The following MGAT4C variants were observed in gnomAD, a reference collection of about 807,000 sequenced individuals.
MGAT4C encodes the protein alpha-1,3-mannosyl-glycoprotein 4-beta-N-acetylglucosaminyltransferase C.
In MGAT4C, 19 loss-of-function variants were observed where a neutral mutation model predicts 40.1. The ratio of observed to expected loss-of-function variants is 0.47; its 90% CI spans 0.33 to 0.70. MGAT4C has a LOEUF of 0.70. MGAT4C is among the 30% of genes least tolerant of loss of function. MGAT4C has a pLI of 0.02. For synonymous variants in MGAT4C, 181 were observed against 187.1 expected, an observed-to-expected ratio of 0.97 and a Z score of 0.27; for missense variants, 491 against 563.2, an observed-to-expected ratio of 0.87 and a Z score of 1.30.
intron 1 of MGAT4C, among the ~76,000 whole-genome samples, chr12:86,072,103 C>A (rs995981916): frequency 6.6e-6 from 1 of 151,420 alleles, no homozygotes; most frequent in Non-Finnish European, 1.5e-5. Context: ...TTAACACATT[C>A]TGTCCTCACA....
chr12:86,534,121 T>C (rs1006933509), intron 2 of MGAT4C, among the ~76,000 whole-genome samples: 1 of 152,086 alleles, frequency 6.6e-6, no homozygotes. Context: ...TTCAGGTCCA[T>C]TCCTGATCCA....
chr12:86,743,303 T>G (rs938624809), intron 1 of MGAT4C, among the ~76,000 whole-genome samples: 3 of 151,570 alleles, frequency 2.0e-5, no homozygotes, highest in Admixed American at 1.3e-4. Context: ...TAGAGATAGA[T>G]TATATACAAA....
intron 2 of MGAT4C, among the ~76,000 whole-genome samples, chr12:86,527,583 T>C (rs1350628908): frequency 6.6e-6 from 1 of 152,146 alleles, no homozygotes; most frequent in African/African-American, 2.4e-5. Context: ...TTGCTTTGGG[T>C]TACTATTGTC....
chr12:86,081,835 G>C (rs549254941), intron 1 of MGAT4C, among the ~76,000 whole-genome samples: 1 of 152,246 alleles, frequency 6.6e-6, no homozygotes, highest in South Asian at 2.1e-4. Context: ...TAACATTGCC[G>C]AATGTGACAG....
intron 2 of MGAT4C, among the ~76,000 whole-genome samples, chr12:86,629,937 A>G (rs1464286576): frequency 6.6e-6 from 1 of 152,178 alleles, no homozygotes; most frequent in Non-Finnish European, 1.5e-5. Context: ...GGCACAAAAA[A>G]CCATTCAAAA....
intron 4 of MGAT4C, among the ~76,000 whole-genome samples, chr12:86,285,198 T>C (rs1356467077): frequency 6.6e-6 from 1 of 151,978 alleles, no homozygotes; most frequent in African/African-American, 2.4e-5. Flanking sequence ...CCTATAGATA[T>C]TAGACACTAT....
At chr12:86,318,751 CCAA>C (rs1199343206) in intron 4 of MGAT4C, among the ~76,000 whole-genome samples, 1 of 151,736 alleles carries the variant, frequency 6.6e-6, no homozygotes, top group African/African-American at 2.4e-5. Context: ...CAGTATTCAC[CCAA>C]CCATCCCAAC....
chr12:86,186,254 T>G lies in MGAT4C; in HGVS notation c.-57+69985A>C, dbSNP rs576946553. On this transcript the variant is annotated intron_variant, in intron 1 of 4. Coordinates refer to ENST00000611864, the MANE Select transcript of MGAT4C (RefSeq NM_001351288.2). ...TCTAGATCCTTTTTTAAAGCACAAATGCAGGTATTATAAACAATGAACCCA... is the reference window on the plus strand; with the variant it reads ...TCTAGATCCTTTTTTAAAGCACAAAGGCAGGTATTATAAACAATGAACCCA... 2.6e-5 allele frequency among the ~76,000 whole-genome samples: 4 copies of G among 152,204 alleles called. No homozygotes were observed. The South Asian group carries it at 8.3e-4, about 32-fold the overall frequency.
At chr12:86,730,768 AT>A (rs1190469763) in intron 1 of MGAT4C, among the ~76,000 whole-genome samples, 7 of 152,110 alleles carry the variant, frequency 4.6e-5, no homozygotes, top group Non-Finnish European at 8.8e-5. Flanking sequence ...ATCTAAGTAA[AT>A]ATAAGACAAT....
chr12:86,207,884 A>G (rs752988961), intron 1 of MGAT4C, among the ~76,000 whole-genome samples: 1 of 152,250 alleles, frequency 6.6e-6, no homozygotes, highest in Non-Finnish European at 1.5e-5. Flanking sequence ...ATATAAAAAT[A>G]GTAAGAATCA....
At chr12:86,382,119 A>G (rs1311178039) in intron 3 of MGAT4C, among the ~76,000 whole-genome samples, 1 of 152,238 alleles carries the variant, frequency 6.6e-6, no homozygotes. Flanking sequence ...ATACAAGAAA[A>G]TGTGGGAACA....
At chr12:86,084,621 T>C (rs1306362801) in intron 1 of MGAT4C, among the ~76,000 whole-genome samples, 1 of 151,902 alleles carries the variant, frequency 6.6e-6, no homozygotes, top group Non-Finnish European at 1.5e-5. Flanking sequence ...TTATGGGTGT[T>C]AGCGCAACTG....
chr12:86,498,041 A>G (rs926869979), intron 2 of MGAT4C, among the ~76,000 whole-genome samples: 4 of 148,386 alleles, frequency 2.7e-5, no homozygotes, highest in Non-Finnish European at 6.0e-5. Flanking sequence ...CTTTATTCTA[A>G]CCTGTGCTTA....
chr12:86,350,963 C>T (rs1360701207), intron 3 of MGAT4C, among the ~76,000 whole-genome samples: 1 of 150,664 alleles, frequency 6.6e-6, no homozygotes, highest in Non-Finnish European at 1.5e-5. Context: ...TTCTTTTTTT[C>T]CCACCATATA....
intron 2 of MGAT4C, among the ~76,000 whole-genome samples, chr12:86,715,608 A>G (rs530577813): frequency 6.6e-6 from 1 of 152,228 alleles, no homozygotes; most frequent in African/African-American, 2.4e-5. Context: ...CCCAAGCTTC[A>G]ATCGCAAAGC....
At chr12:86,500,011 T>G (rs1380736537) in intron 2 of MGAT4C, among the ~76,000 whole-genome samples, 2 of 151,850 alleles carry the variant, frequency 1.3e-5, no homozygotes, top group Non-Finnish European at 2.9e-5. Context: ...AGCATATGCA[T>G]TCTTTCAACA....
chr12:86,541,713 C>T (rs1959168575), intron 2 of MGAT4C, among the ~76,000 whole-genome samples: 1 of 152,126 alleles, frequency 6.6e-6, no homozygotes, highest in South Asian at 2.1e-4. Context: ...ATGATAGGAA[C>T]TTAATCACTT....
chr12:86,073,536 C>T (rs1449488941), intron 1 of MGAT4C, among the ~76,000 whole-genome samples: 3 of 152,060 alleles, frequency 2.0e-5, no homozygotes, highest in African/African-American at 7.2e-5. Flanking sequence ...CGGCTTTGAA[C>T]AAAATGCTTA....
Position 85,977,280 on chromosome 12 carries a change from T to C in MGAT4C, c.*2009A>G, listed in dbSNP as rs1426332606. The C allele has an allele frequency of 1.3e-5, 2 of 151,464 alleles. No homozygotes were observed. The highest frequency in any genetic ancestry group is 1.9e-4 in the East Asian group (1 of 5,190). The allele number at this position is 151,464 out of a possible 1,614,324, so 9.4% of individuals were successfully genotyped here. On this transcript the variant is annotated 3_prime_UTR_variant, in exon 5 of 5. Transcript: ENST00000611864. ...GATATTACATGTCTTTGGCATACAA[T>C]TGTGTACCTTTTATCATTGACAGTG...
Sources: gnomAD v4.1 joint callset for allele counts (sites outside exome capture counted in the v4.1 genomes callset) on GRCh38, gnomAD v4.1.1 for gene constraint, MANE v1.5 for transcripts, NCBI Gene and HGNC (gene_info 2026-07-23, HGNC 2026-07-21) for gene names.